Variants in DMXL1 observed in about 807,000 individuals in gnomAD.
DMXL1 encodes the protein Dmx like 1.
Under a neutral mutation model 319.2 loss-of-function variants are expected in DMXL1, and 99 were observed. That is an observed-to-expected ratio of 0.31 (90% CI 0.26 to 0.37). DMXL1 has a LOEUF of 0.37. DMXL1 is among the 10% of genes least tolerant of loss of function. The pLI, the probability that DMXL1 is intolerant of heterozygous loss-of-function variation, is 1.00. For missense variants in DMXL1, 3,745 were observed against 3,595.6 expected (o/e 1.04, Z -1.06); for synonymous variants, 1,385 against 1,235.2 (o/e 1.12, Z -2.54).
Position 119,166,786 on chromosome 5 carries a change from T to A in DMXL1, c.5136+5T>A. The A allele has an allele frequency of 6.3e-7, 1 of 1,596,812 alleles. No homozygotes were observed. Among genetic ancestry groups the A allele is most frequent in the Non-Finnish European group, 8.5e-7 (1 of 1,173,220 alleles). On this transcript the variant is annotated splice_donor_5th_base_variant and intron_variant, in intron 22 of 43. Transcript: ENST00000539542. ...TGCCTCAGAGATGCAATTGAGGTAA[T>A]GAGTGAAATTTAAATAACAAAGTAT...
At chr5:119,098,284 T>A (rs1269069423) in intron 2 of DMXL1, among the ~76,000 whole-genome samples, 180 bp downstream of exon 2, 1 of 152,216 alleles carries the variant, frequency 6.6e-6, no homozygotes, top group Non-Finnish European at 1.5e-5. Flanking sequence ...TCTCTTCTTA[T>A]ATAATTTTAA....
At chr5:119,135,650 A>G (rs937185880) in intron 13 of DMXL1, among the ~76,000 whole-genome samples, 7 of 152,132 alleles carry the variant, frequency 4.6e-5, no homozygotes, top group Non-Finnish European at 1.0e-4. Flanking sequence ...TGTTCTCATG[A>G]TAGTGAGGGA....
At chr5:119,224,888 T>C (rs1344941955) in intron 38 of DMXL1, 119 bp downstream of exon 38, 4 of 414,892 alleles carry the variant, frequency 9.6e-6, no homozygotes, top group African/African-American at 8.2e-5. Context: ...TATTTGACTT[T>C]TTTTCTAGCG....
chr5:119,201,528 GT>G (rs542065065), intron 32 of DMXL1, among the ~76,000 whole-genome samples: 1 of 151,470 alleles, frequency 6.6e-6, no homozygotes, highest in Non-Finnish European at 1.5e-5. Flanking sequence ...TTGAAGTTTT[GT>G]TTTTTTTGTT....
At chr5:119,129,126 TGTAATA>T in intron 9 of DMXL1, 79 bp from the exon 10 acceptor site, 1 of 801,164 alleles carries the variant, frequency 1.2e-6, no homozygotes, top group Non-Finnish European at 1.9e-6. Context: ...AAAATATAAA[TGTAATA>T]GTAATAAAAA....
At position 119,105,395 on chromosome 5, in the gene DMXL1, T is replaced by G; in HGVS notation, c.364+137T>G. ...CAAAGAAGTAAAATGGATTATGCCC[T>G]TTTAGAGTTTATACTGAAATGAAGA... On this transcript the variant is annotated intron_variant, in intron 4 of 43. Transcript: ENST00000539542. The G allele has an allele frequency of 4.7e-6, 3 of 634,700 alleles. No individual in the cohort carries two copies. In the South Asian group the frequency reaches 6.1e-5, roughly 13 times the overall value. 39.3% of individuals were successfully genotyped at this position (634,700 alleles called of 1,614,324 possible). A position where few individuals can be genotyped will look rare whatever the true frequency, so the allele number is the denominator to read the frequency against.
chr5:119,163,023 GAA>G (rs1404735593), intron 19 of DMXL1, among the ~76,000 whole-genome samples: 1 of 152,116 alleles, frequency 6.6e-6, no homozygotes, highest in African/African-American at 2.4e-5. Context: ...AATGTATTAT[GAA>G]AAGTGAAAAT....
chr5:119,072,060 G>A (rs1749723617), intron 1 of DMXL1, among the ~76,000 whole-genome samples: 2 of 152,084 alleles, frequency 1.3e-5, no homozygotes, highest in Non-Finnish European at 2.9e-5. Context: ...TTAAGGTCAA[G>A]TATCTTTGTA....
chr5:119,153,784 C>A (rs1001556753), intron 19 of DMXL1, among the ~76,000 whole-genome samples: 2 of 152,344 alleles, frequency 1.3e-5, no homozygotes, highest in Non-Finnish European at 2.9e-5. Context: ...AGTGTATATA[C>A]AGGCATACTC....
intron 9 of DMXL1, among the ~76,000 whole-genome samples, chr5:119,122,476 G>GCCAGGCGGAGATGCTCCTCACTTC (rs1762381898): frequency 6.6e-6 from 1 of 151,784 alleles, no homozygotes; most frequent in Non-Finnish European, 1.5e-5. Flanking sequence ...CGGGGTGGCT[G>GCCAGGCGGAGATGCTCCTCACTTC]CCAGGCGGAG....
At chr5:119,212,522 A>G (rs866807421) in intron 34 of DMXL1, among the ~76,000 whole-genome samples, 2 of 152,324 alleles carry the variant, frequency 1.3e-5, no homozygotes, top group Middle Eastern at 3.4e-3. Flanking sequence ...ATTGATATAC[A>G]AATATCTGAA....
At chr5:119,082,018 TATACAC>T (rs1174805984) in intron 1 of DMXL1, among the ~76,000 whole-genome samples, 493 of 71,396 alleles carry the variant, frequency 6.9e-3, no homozygotes, top group African/African-American at 0.021. Context: ...TATATATATA[TATACAC>T]ACACACACAC....
chr5:119,129,193 C>G lies in DMXL1; in HGVS notation c.1103-18C>G, dbSNP rs112226607. 8,087 of 1,494,060 alleles carry G rather than the reference C, an allele frequency of 5.4e-3. 345 individuals are homozygous for G. The African/African-American group carries it at 0.097, about 18-fold the overall frequency. The allele number at this position is 1,494,060 out of a possible 1,614,324, so 92.6% of individuals were successfully genotyped here. On this transcript the variant is annotated intron_variant, in intron 9 of 43. Transcript: ENST00000539542. ...TAGAAGGTAAAAATTTTAATTTTAT[C>G]TTTTTTTTCTCTTATAGACATTCCA...
chr5:119,184,065 T>G (rs1777257995), intron 28 of DMXL1, among the ~76,000 whole-genome samples: 1 of 151,620 alleles, frequency 6.6e-6, no homozygotes, highest in Non-Finnish European at 1.5e-5. Flanking sequence ...TTCTCTTTTT[T>G]TTTTTTGAGA....
chr5:119,078,457 A>AT (rs1460811160), intron 1 of DMXL1, among the ~76,000 whole-genome samples: 6 of 151,906 alleles, frequency 3.9e-5, no homozygotes, highest in South Asian at 2.1e-4. Flanking sequence ...TATTTATTTT[A>AT]TTTATTTTTT....
chr5:119,125,865 A>G (rs34904684), intron 9 of DMXL1, among the ~76,000 whole-genome samples: 26,397 of 152,172 alleles, frequency 0.17, 2,954 homozygotes, highest in Non-Finnish European at 0.26. Flanking sequence ...CGCCTGGCCA[A>G]TATATATTTA....
rs1289132341 is a variant in DMXL1 at position 119,170,299 on chromosome 5, A to G, written c.5508A>G (p.Thr1836=). The G allele has an allele frequency of 1.9e-6, 3 of 1,613,940 alleles. No individual in the cohort carries two copies. Among genetic ancestry groups the G allele is most frequent in the South Asian group, 1.1e-5 (1 of 91,070 alleles). Residue 1836 remains threonine (T), a synonymous_variant, in exon 24 of 44, where the codon ACA becomes ACG. Coordinates refer to ENST00000539542, the MANE Select transcript of DMXL1 (RefSeq NM_001290321.3). The part of the protein sequence containing the change: ...RHFGSSDTFS[T]HMSLTGKSGL... The stretch of plus-strand genomic sequence containing the variant: ...TTGGATCATCTGATACATTTTCCAC[A>G]CATATGAGCCTAACAGGAAAAAGTG...
chr5:119,178,201 A>C lies in DMXL1; in HGVS notation c.7092A>C (p.Ala2364=), dbSNP rs79396421. The change falls in exon 28 of 44, where the codon GCA becomes GCC. Residue 2364 remains alanine (A), a synonymous_variant. Coordinates refer to ENST00000539542, the MANE Select transcript of DMXL1 (RefSeq NM_001290321.3). ...KMWSAVFGGG[A]HVPSKEQTHS... ...GGTCTGCTGTGTTTGGTGGAGGTGC[A>C]CATGTTCCTAGCAAAGAACAGACAC... 8.0e-5 allele frequency: 129 copies of C among 1,613,880 alleles called. 1 individual carries two copies. In the African/African-American group the frequency reaches 1.5e-3, roughly 19 times the overall value.
rs77880929 is a variant in DMXL1 at position 119,221,601 on chromosome 5, C to T, written c.8277+520C>T. On this transcript the variant is annotated intron_variant, in intron 37 of 43. Coordinates refer to ENST00000539542, the MANE Select transcript of DMXL1 (RefSeq NM_001290321.3). Reference sequence around the variant, plus strand: ...CATTTTGTCTGTGGATGCCTTCACACTACAGTGGCAGAATTGAGTATCTGC... The same window carrying T: ...CATTTTGTCTGTGGATGCCTTCACATTACAGTGGCAGAATTGAGTATCTGC... Among the ~76,000 whole-genome samples, 439 of 152,254 alleles carry T rather than the reference C, an allele frequency of 2.9e-3. 3 individuals carry two copies. The highest frequency in any genetic ancestry group is 4.8e-3 in the Non-Finnish European group (329 of 68,006).
Sources: gnomAD v4.1 joint callset for allele counts (sites outside exome capture counted in the v4.1 genomes callset) on GRCh38, gnomAD v4.1.1 for gene constraint, MANE v1.5 for transcripts, NCBI Gene and HGNC (gene_info 2026-07-23, HGNC 2026-07-21) for gene names.